The following MAP9 variants were observed in gnomAD, a reference collection of about 807,000 sequenced individuals.
The protein encoded by MAP9 is microtubule-associated protein 9.
In MAP9, 80 loss-of-function variants were observed where a neutral mutation model predicts 75.2. That is an observed-to-expected ratio of 1.06 (90% CI 0.89 to 1.28). MAP9 has a LOEUF of 1.28. Ranked by LOEUF, MAP9 falls within the 50% of genes most tolerant of loss-of-function variation. MAP9 has a pLI of 0.00. For synonymous variants in MAP9, 235 were observed against 237.3 expected (o/e 0.99, Z 0.09); for missense variants, 753 against 719.9 (o/e 1.05, Z -0.53).
intron 5 of MAP9, 130 bp downstream of exon 5, chr4:155,368,456 C>T (rs1732426216): frequency 1.4e-6 from 1 of 735,094 alleles, no homozygotes; most frequent in South Asian, 1.7e-5. Flanking sequence ...ATTTCCTTAT[C>T]AGTTGCAGAA....
intron 13 of MAP9, chr4:155,349,972 C>A: frequency 4.7e-6 from 1 of 211,000 alleles, no homozygotes; most frequent in Non-Finnish European, 9.6e-6. Context: ...TTAAAAGAAC[C>A]TTGTTAAAAA....
intron 6 of MAP9, among the ~76,000 whole-genome samples, chr4:155,360,749 T>C (rs1732038416): frequency 6.6e-6 from 1 of 152,034 alleles, no homozygotes; most frequent in African/African-American, 2.4e-5. Flanking sequence ...ACAATATTTG[T>C]TTAACTCTAA....
intron 3 of MAP9, among the ~76,000 whole-genome samples, chr4:155,374,736 A>G (rs1462336312): frequency 6.6e-6 from 1 of 152,234 alleles, no homozygotes; most frequent in African/African-American, 2.4e-5. Flanking sequence ...AACAACAATA[A>G]AAAAAGAAAA....
intron 4 of MAP9, among the ~76,000 whole-genome samples, chr4:155,371,504 ACT>A (rs1210621929): frequency 6.7e-6 from 1 of 149,680 alleles, no homozygotes; most frequent in African/African-American, 2.5e-5. Flanking sequence ...TTCCAGAAGT[ACT>A]GTCAAGTTCC....
Position 155,374,981 on chromosome 4 carries a change from T to C in MAP9, c.116A>G (p.Gln39Arg), listed in dbSNP as rs772418677. The C allele has an allele frequency of 6.3e-7, 1 of 1,592,508 alleles. No homozygotes were observed. The highest frequency in any genetic ancestry group is 2.2e-5 in the East Asian group (1 of 44,558). The change falls in exon 3 of 14, where the codon CAA (glutamine) becomes CGA (arginine). Residue 39 changes from glutamine (Q) to arginine (R), a missense_variant. Transcript: ENST00000311277. ...IRAITARSAR[Q>R]RSSEYSDDFD... ...GTCATCTGAGTATTCAGAACTCCTT[T>C]GTCTGGCTGAGCGAGCTGTAATTGC...
chr4:155,360,061 A>G, intron 7 of MAP9, 107 bp downstream of exon 7: 1 of 1,039,236 alleles, frequency 9.6e-7, no homozygotes, highest in East Asian at 2.5e-5. Flanking sequence ...CAAAAGATAA[A>G]TTTTCCACTG....
Position 155,352,605 on chromosome 4 carries a change from T to C in MAP9, c.1812A>G (p.Glu604=), listed in dbSNP as rs1317371473. 6.3e-7 allele frequency: 1 copy of C among 1,575,588 alleles called. No individual in the cohort carries two copies. The highest frequency in any genetic ancestry group is 8.6e-7 in the Non-Finnish European group (1 of 1,159,464). The stretch of plus-strand genomic sequence containing the variant: ...GACAAATAATACCTACCAGCCATTT[T>C]TCATATTCATTAATAGCTTGTTTAT... ...DKDKQAINEY[E]KWLENKEKQE... Residue 604 remains glutamate, a synonymous_variant, in exon 13 of 14, where the codon GAA becomes GAG. Coordinates refer to ENST00000311277, the MANE Select transcript of MAP9 (RefSeq NM_001039580.2).
Position 155,355,718 on chromosome 4 carries a change from G to C in MAP9, c.1288C>G (p.Gln430Glu), listed in dbSNP as rs765949547. The C allele has an allele frequency of 6.2e-6, 10 of 1,602,124 alleles. No homozygotes were observed. The highest frequency in any genetic ancestry group is 7.6e-6 in the Non-Finnish European group (9 of 1,176,606). The change falls in exon 9 of 14, where the codon CAG becomes GAG. Residue 430 changes from glutamine to glutamate, a missense_variant and splice_region_variant. Transcript: ENST00000311277. ...RADNIRAAVY[Q>E]EWLEKKNVYL... ...TTAAAAATATTTTCCTTTTTTACCT[G>C]ATAAACAGCTGCCCTTATGTTATCT...
At chr4:155,374,466 C>T (rs186462611) in intron 3 of MAP9, among the ~76,000 whole-genome samples, 95 of 152,202 alleles carry the variant, frequency 6.2e-4, no homozygotes, top group African/African-American at 2.2e-3. Context: ...ATATGAAACA[C>T]GAAGAGTCTG....
At chr4:155,369,173 A>AC (rs1732475259) in intron 4 of MAP9, among the ~76,000 whole-genome samples, 1 of 151,982 alleles carries the variant, frequency 6.6e-6, no homozygotes, top group Non-Finnish European at 1.5e-5. Flanking sequence ...ATACAAAAAA[A>AC]TTAGCCGGGC....
chr4:155,359,940 C>T (rs945364988), intron 7 of MAP9, among the ~76,000 whole-genome samples: 1 of 151,962 alleles, frequency 6.6e-6, no homozygotes, highest in East Asian at 1.9e-4. Context: ...TATGATCACA[C>T]ACCTCTGATA....
At position 155,360,372 on chromosome 4, in the gene MAP9, T is replaced by C. The variant is rs548783392; in HGVS notation, c.846A>G (p.Ser282=). The change falls in exon 7 of 14, where the codon TCA becomes TCG. Residue 282 remains serine, a synonymous_variant. Transcript: ENST00000311277. ...EITENHNSLK[S]DENKENSFSA... ...AAAATGAATTCTCTTTATTTTCATC[T>C]GATTTCAAGGAATTATGGTTTTCAG... 19 of 1,612,430 alleles carry C rather than the reference T, an allele frequency of 1.2e-5. No individual in the cohort carries two copies. In the East Asian group the frequency reaches 4.2e-4, roughly 36 times the overall value.
chr4:155,371,893 C>G (rs1732614939), intron 4 of MAP9, among the ~76,000 whole-genome samples: 2 of 152,140 alleles, frequency 1.3e-5, no homozygotes, highest in South Asian at 4.1e-4. Flanking sequence ...ATTGATTTCA[C>G]TCACTATACT....
At chr4:155,359,727 A>T (rs12513182) in intron 7 of MAP9, among the ~76,000 whole-genome samples, 9 of 151,802 alleles carry the variant, frequency 5.9e-5, no homozygotes, top group East Asian at 3.9e-4. Context: ...ATTTTAAAGA[A>T]GCACAGATGT....
intron 7 of MAP9, among the ~76,000 whole-genome samples, chr4:155,359,869 T>A (rs987106732): frequency 6.6e-6 from 1 of 152,072 alleles, no homozygotes; most frequent in African/African-American, 2.4e-5. Flanking sequence ...TTTTAAAATA[T>A]GAAGACCTAT....
At chr4:155,351,882 T>A (rs912586355) in intron 13 of MAP9, among the ~76,000 whole-genome samples, 7 of 151,972 alleles carry the variant, frequency 4.6e-5, no homozygotes, top group African/African-American at 1.7e-4. Context: ...CATATGAATA[T>A]GTTAACTATT....
At chr4:155,371,699 A>T (rs1193185499) in intron 4 of MAP9, among the ~76,000 whole-genome samples, 1 of 151,070 alleles carries the variant, frequency 6.6e-6, no homozygotes. Context: ...TTTCTTATTC[A>T]TTGTAACCCA....
At position 155,347,067 on chromosome 4, in the gene MAP9, T is replaced by C. The variant is rs1028310913; in HGVS notation, c.*716A>G. ...ACATAAGTATATCACTACTGTGACA[T>C]TGATGTCTTTTGGTATCACTGAAAT... On this transcript the variant is annotated 3_prime_UTR_variant, in exon 14 of 14. Coordinates refer to ENST00000311277, the MANE Select transcript of MAP9 (RefSeq NM_001039580.2). 6.6e-6 allele frequency: 1 copy of C among 152,192 alleles called. No individual in the cohort carries two copies. Among genetic ancestry groups the C allele is most frequent in the African/African-American group, 2.4e-5 (1 of 41,460 alleles). The allele number at this position is 152,192 out of a possible 1,614,324, so 9.4% of individuals were successfully genotyped here.
intron 5 of MAP9, among the ~76,000 whole-genome samples, chr4:155,364,873 A>T (rs1393260590): frequency 1.3e-5 from 2 of 151,716 alleles, no homozygotes; most frequent in African/African-American, 4.8e-5. Flanking sequence ...AATACAATGC[A>T]AACAAATATA....
Sources: allele counts gnomAD v4.1 joint callset (sites outside exome capture counted in the v4.1 genomes callset), GRCh38; gene constraint gnomAD v4.1.1; transcripts MANE v1.5; gene names NCBI Gene and HGNC (gene_info 2026-07-23, HGNC 2026-07-21).